Variants in LPA observed in about 807,000 individuals in gnomAD.
LPA encodes the protein lipoprotein(a).
A neutral mutation model predicts 197.9 loss-of-function variants in LPA; 199 were observed. The ratio of observed to expected loss-of-function variants is 1.01; its 90% confidence interval spans 0.90 to 1.13. The LOEUF is 1.13. Ranked by LOEUF, LPA falls within the 50% of genes most tolerant of loss-of-function variation. The pLI is 0.00. For missense variants in LPA, 1,853 were observed against 1,785.8 expected, an observed-to-expected ratio of 1.04 and a Z score of -0.68; for synonymous variants, 715 against 639.5, an observed-to-expected ratio of 1.12 and a Z score of -1.78.
intron 32 of LPA, among the ~76,000 whole-genome samples, chr6:160,546,591 A>C (rs1434992348): frequency 2.0e-5 from 3 of 152,234 alleles, no homozygotes; most frequent in Non-Finnish European, 4.4e-5. Flanking sequence ...TACAGGTCAC[A>C]GCCTGCAACT....
intron 30 of LPA, among the ~76,000 whole-genome samples, chr6:160,555,294 A>AGTGTGT (rs10552460): frequency 2.6e-4 from 35 of 133,862 alleles, no homozygotes; most frequent in African/African-American, 4.7e-4. Flanking sequence ...ATTATATGTT[A>AGTGTGT]GTGTGTGTGT....
At position 160,594,007 on chromosome 6, in the gene LPA, A is replaced by C; in HGVS notation, c.3580T>G (p.Ser1194Ala). The C allele has an allele frequency of 6.2e-7, 1 of 1,613,998 alleles. No homozygotes were observed. Among genetic ancestry groups the C allele is most frequent in the Non-Finnish European group, 8.5e-7 (1 of 1,179,892 alleles). The change falls in exon 22 of 39, where the codon TCT becomes GCT. Residue 1194 changes from serine to alanine, a missense_variant. Transcript: ENST00000316300. ...VTGRTCQSWS[S>A]MTPHWHQRTT... is the part of the protein sequence containing the mutation. ...CTCTGATGCCAGTGTGGTGTCATAG[A>C]GGACCAAGACTGACATGTCCTTCCT...
intron 1 of LPA, among the ~76,000 whole-genome samples, chr6:160,653,989 A>ACTATATTATATATAGTATATAT (rs1780061926): frequency 1.3e-4 from 1 of 7,804 alleles, no homozygotes; most frequent in African/African-American, 3.5e-4. Flanking sequence ...ATAATATATA[A>ACTATATTATATATAGTATATAT]TATATATTAT....
At chr6:160,657,416 T>TTTTGAAATG (rs1780150863) in intron 1 of LPA, among the ~76,000 whole-genome samples, 1 of 143,382 alleles carries the variant, frequency 7.0e-6, no homozygotes. Flanking sequence ...TTTTTTTTTT[T>TTTTGAAATG]GGAAATGGAG....
intron 18 of LPA, 107 bp downstream of exon 18, chr6:160,604,939 T>G: frequency 2.0e-6 from 3 of 1,526,696 alleles, no homozygotes. Context: ...CTATGCACTG[T>G]TCATCTGAGA....
At chr6:160,652,784 AAGG>A (rs1275038747) in intron 1 of LPA, among the ~76,000 whole-genome samples, 1 of 152,120 alleles carries the variant, frequency 6.6e-6, no homozygotes, top group African/African-American at 2.4e-5. Flanking sequence ...GAGAGGGAGG[AAGG>A]AGAAGTGCAA....
At chr6:160,584,380 G>C (rs1198923843) in intron 26 of LPA, among the ~76,000 whole-genome samples, 3 of 143,868 alleles carry the variant, frequency 2.1e-5, no homozygotes, top group Non-Finnish European at 4.5e-5. Flanking sequence ...CACCCAGGCT[G>C]GAGTGCAGTG....
chr6:160,539,112 G>A (rs1777937707), intron 36 of LPA, among the ~76,000 whole-genome samples: 1 of 152,158 alleles, frequency 6.6e-6, no homozygotes, highest in African/African-American at 2.4e-5. Flanking sequence ...CTTGTGACCA[G>A]GCCCAGGAGA....
intron 37 of LPA, 25 bp from the exon 38 acceptor site, chr6:160,532,674 T>C: frequency 2.0e-6 from 3 of 1,469,556 alleles, no homozygotes; most frequent in Non-Finnish European, 2.9e-6. Flanking sequence ...ATGAAAGAAA[T>C]GGTTACTGAG....
At chr6:160,564,338 G>T (rs1250460001) in intron 28 of LPA, among the ~76,000 whole-genome samples, 1 of 152,174 alleles carries the variant, frequency 6.6e-6, no homozygotes, top group Non-Finnish European at 1.5e-5. Flanking sequence ...AGTTTGGCTG[G>T]ATATGAAATT....
intron 28 of LPA, among the ~76,000 whole-genome samples, chr6:160,570,185 C>T (rs937353960): frequency 8.5e-5 from 13 of 152,194 alleles, no homozygotes; most frequent in African/African-American, 2.7e-4. Context: ...CACATGCACA[C>T]ATATGTTTAT....
At chr6:160,567,963 A>T (rs1240107099) in intron 28 of LPA, among the ~76,000 whole-genome samples, 1 of 152,246 alleles carries the variant, frequency 6.6e-6, no homozygotes, top group Non-Finnish European at 1.5e-5. Flanking sequence ...TGAATCCTTG[A>T]ATAGACCAAT....
Position 160,541,162 on chromosome 6 carries a change from C to T in LPA, c.5539G>A (p.Gly1847Arg), listed in dbSNP as rs956763066. The T allele has an allele frequency of 6.2e-7, 1 of 1,613,864 alleles. No homozygotes were observed. Among genetic ancestry groups the T allele is most frequent in the Non-Finnish European group, 8.5e-7 (1 of 1,179,866 alleles). ...CACTCTGGGGATATTAAGGTGCCTCCACAGAAGTGCTTTCCAAACCTAGAA... is the reference window on the plus strand; with the variant it reads ...CACTCTGGGGATATTAAGGTGCCTCTACAGAAGTGCTTTCCAAACCTAGAA... The part of the protein sequence containing the change: ...LRTRFGKHFC[G>R]GTLISPEWVL... Residue 1847 changes from glycine (G) to arginine (R), a missense_variant, in exon 35 of 39, where the codon GGA becomes AGA. Gly to Arg is a moderately radical substitution (Grantham distance 125). This residue lies in a region of LPA where 1,737 missense variants were observed against 1,504.4 expected (regional missense o/e 1.15). Coordinates refer to ENST00000316300, the MANE Select transcript of LPA (RefSeq NM_005577.4).
chr6:160,585,285 A>G (rs1441016677), intron 25 of LPA, 80 bp from the exon 26 acceptor site: 1 of 1,366,392 alleles, frequency 7.3e-7, no homozygotes, highest in East Asian at 2.3e-5. Flanking sequence ...ACAAAGTGGA[A>G]TAATCTGAGG....
At chr6:160,598,954 T>G (rs1267405774) in intron 20 of LPA, among the ~76,000 whole-genome samples, 1 of 152,126 alleles carries the variant, frequency 6.6e-6, no homozygotes, top group African/African-American at 2.4e-5. Flanking sequence ...AACTCTTTGG[T>G]CATTTGTCAT....
chr6:160,540,992 G>A, intron 35 of LPA, 115 bp downstream of exon 35: 1 of 869,248 alleles, frequency 1.2e-6, no homozygotes, highest in Non-Finnish European at 1.9e-6. Context: ...TCCAGAAAAG[G>A]AAGAGAGGTG....
intron 35 of LPA, 100 bp downstream of exon 35, chr6:160,541,007 G>C: frequency 1.0e-6 from 1 of 968,656 alleles, no homozygotes; most frequent in Non-Finnish European, 1.7e-6. Flanking sequence ...GAGGTGGGGA[G>C]GAAGGAAGGG....
chr6:160,585,355 A>G (rs1778890646), intron 25 of LPA, 150 bp from the exon 26 acceptor site: 1 of 768,642 alleles, frequency 1.3e-6, no homozygotes, highest in Non-Finnish European at 2.3e-6. Flanking sequence ...TAAAAATACA[A>G]ATAGACTTAT....
intron 24 of LPA, among the ~76,000 whole-genome samples, chr6:160,589,334 C>A (rs1778976963): frequency 6.6e-6 from 1 of 152,178 alleles, no homozygotes; most frequent in South Asian, 2.1e-4. Flanking sequence ...TCACCACCTC[C>A]AAGTATCCTC....
Sources: gnomAD v4.1 joint callset for allele counts (sites outside exome capture counted in the v4.1 genomes callset) on GRCh38, gnomAD v4.1.1 for gene constraint, gnomAD v4.1.1 regional missense constraint, MANE v1.5 for transcripts, NCBI Gene and HGNC (gene_info 2026-07-23, HGNC 2026-07-21) for gene names.